The following FAM118A variants were observed in gnomAD, a reference collection of about 807,000 sequenced individuals.
FAM118A encodes the protein protein FAM118A.
A neutral mutation model predicts 38.2 loss-of-function variants in FAM118A; 25 were observed. The observed-to-expected ratio is 0.65, with a 90% CI of 0.48 to 0.91. The LOEUF (loss-of-function observed/expected upper bound fraction) is 0.91. Ranked by LOEUF, FAM118A falls within the 40% of genes least tolerant of loss-of-function variation. FAM118A has a pLI of 0.00. For missense variants in FAM118A, 425 were observed against 463.3 expected (o/e 0.92, Z 0.76); for synonymous variants, 178 against 184.1 (o/e 0.97, Z 0.27).
intron 7 of FAM118A, 48 bp from the exon 8 acceptor site, chr22:45,336,280 G>T: frequency 6.7e-7 from 1 of 1,490,440 alleles, no homozygotes; most frequent in Non-Finnish European, 9.3e-7. Context: ...GTGCCTTGGC[G>T]AGTGGATTCT....
chr22:45,330,760 C>A (rs140980281), intron 5 of FAM118A, 29 bp downstream of exon 5: 4 of 1,500,888 alleles, frequency 2.7e-6, no homozygotes, highest in Non-Finnish European at 2.7e-6. Flanking sequence ...AGCATCGGTG[C>A]GTCCTCTCAG....
intron 8 of FAM118A, among the ~76,000 whole-genome samples, chr22:45,337,335 T>C (rs1269510073): frequency 6.6e-6 from 1 of 152,220 alleles, no homozygotes; most frequent in African/African-American, 2.4e-5. Context: ...TTAGCCAGCA[T>C]GTGTGTTGTG....
At chr22:45,333,624 A>G (rs944425574) in intron 6 of FAM118A, among the ~76,000 whole-genome samples, 4 of 150,780 alleles carry the variant, frequency 2.7e-5, no homozygotes, top group Admixed American at 2.0e-4. Context: ...CAGTGAGCCA[A>G]GATCGCACCA....
intron 1 of FAM118A, among the ~76,000 whole-genome samples, chr22:45,312,709 C>T (rs1278115443): frequency 6.6e-6 from 1 of 152,142 alleles, no homozygotes; most frequent in African/African-American, 2.4e-5. Flanking sequence ...CTCAGGGAAA[C>T]ACTCAGGTTT....
At chr22:45,317,845 C>T (rs1299454657) in intron 1 of FAM118A, among the ~76,000 whole-genome samples, 5 of 152,186 alleles carry the variant, frequency 3.3e-5, no homozygotes, top group Non-Finnish European at 5.9e-5. Flanking sequence ...GGGACAGGCT[C>T]TGTCGTAAAG....
chr22:45,312,691 T>C (rs1333129552), intron 1 of FAM118A, among the ~76,000 whole-genome samples: 1 of 152,100 alleles, frequency 6.6e-6, no homozygotes, highest in Non-Finnish European at 1.5e-5. Context: ...ATGGAACAGC[T>C]CACAGAACTC....
At chr22:45,330,498 T>C (rs1292530952) in intron 4 of FAM118A, 105 bp from the exon 5 acceptor site, 2 of 1,284,798 alleles carry the variant, frequency 1.6e-6, no homozygotes, top group Non-Finnish European at 2.1e-6. Context: ...CGATGATTCT[T>C]TCCAAGATAG....
intron 1 of FAM118A, among the ~76,000 whole-genome samples, chr22:45,318,089 C>T (rs1033874175): frequency 6.6e-6 from 1 of 152,144 alleles, no homozygotes. Context: ...CATTGAACTC[C>T]GTTTGATGAA....
intron 4 of FAM118A, chr22:45,329,351 G>A (rs551070707): frequency 5.6e-4 from 86 of 152,298 alleles, no homozygotes; most frequent in African/African-American, 2.1e-3. Flanking sequence ...GCTGAGTGTG[G>A]GAGTATCCAT....
chr22:45,327,923 C>T lies in FAM118A; in HGVS notation c.382C>T (p.Pro128Ser), dbSNP rs2085405254. The T allele has an allele frequency of 2.5e-6, 4 of 1,614,130 alleles. No homozygotes were observed. Among genetic ancestry groups the T allele is most frequent in the Non-Finnish European group, 1.7e-6 (2 of 1,180,062 alleles). ...CGACCTGGAGCAGCACATCCGGAGT[C>T]CTGTGGTGCTGCAGTCGATCCTCAG... Reference protein sequence around the residue: ...FDDLEQHIRSPVVLQSILSLM... With the variant: ...FDDLEQHIRSSVVLQSILSLM... The change falls in exon 4 of 9, where the codon CCT becomes TCT. Residue 128 changes from proline to serine, a missense_variant. Coordinates refer to ENST00000441876, the MANE Select transcript of FAM118A (RefSeq NM_017911.4).
chr22:45,322,340 G>A, intron 1 of FAM118A, 31 bp from the exon 2 acceptor site: 2 of 1,600,348 alleles, frequency 1.2e-6, no homozygotes, highest in Non-Finnish European at 1.7e-6. Context: ...CTGGGAGACA[G>A]AAGTCACTTC....
intron 3 of FAM118A, among the ~76,000 whole-genome samples, chr22:45,326,508 C>T (rs1252066139): frequency 2.6e-5 from 4 of 151,852 alleles, no homozygotes; most frequent in Non-Finnish European, 5.9e-5. Flanking sequence ...GGCAACATAG[C>T]GAGACCTCGT....
chr22:45,331,048 G>T (rs1411575594), intron 5 of FAM118A, among the ~76,000 whole-genome samples: 4 of 152,196 alleles, frequency 2.6e-5, no homozygotes, highest in East Asian at 1.9e-4. Context: ...ACCTGCCCAG[G>T]TATATAGTGA....
intron 2 of FAM118A, among the ~76,000 whole-genome samples, chr22:45,322,818 C>T (rs1266526417): frequency 2.6e-5 from 4 of 152,150 alleles, no homozygotes; most frequent in South Asian, 2.1e-4. Flanking sequence ...CTGTCTTATC[C>T]GTCACTGCAA....
At chr22:45,319,768 A>G (rs1330484001) in intron 1 of FAM118A, among the ~76,000 whole-genome samples, 1 of 152,182 alleles carries the variant, frequency 6.6e-6, no homozygotes, top group Non-Finnish European at 1.5e-5. Flanking sequence ...TTAAAAAAAC[A>G]AAAGATTAGT....
intron 3 of FAM118A, among the ~76,000 whole-genome samples, chr22:45,323,657 C>T (rs1342616009): frequency 3.3e-5 from 5 of 152,316 alleles, no homozygotes; most frequent in African/African-American, 1.2e-4. Flanking sequence ...TTAAATGGAG[C>T]CTGACTGTGT....
chr22:45,335,916 T>C (rs1286327384), intron 7 of FAM118A, among the ~76,000 whole-genome samples: 1 of 152,228 alleles, frequency 6.6e-6, no homozygotes, highest in Admixed American at 6.5e-5. Flanking sequence ...CCTTGCCGAA[T>C]CATTTGGGTA....
At chr22:45,328,471 A>T in intron 4 of FAM118A, 1 of 867,376 alleles carries the variant, frequency 1.2e-6, no homozygotes. Flanking sequence ...GTAGCAGTGA[A>T]TTACTAATAA....
rs367677553 is a variant in FAM118A, at chr22:45,328,016, C to T, written c.475C>T (p.Arg159Trp). ...YDNLLEAFGR[R>W]QNKPMESLDL... Reference sequence around the variant, plus strand: ...CAACCTGCTGGAGGCCTTTGGCCGGCGGCAGAACAAGCCCATGGAGTCCCT... The same window carrying T: ...CAACCTGCTGGAGGCCTTTGGCCGGTGGCAGAACAAGCCCATGGAGTCCCT... The change falls in exon 4 of 9, where the codon CGG becomes TGG. Residue 159 changes from arginine to tryptophan, a missense_variant. Arg to Trp is a moderately radical substitution (Grantham distance 101). Coordinates refer to ENST00000441876, the MANE Select transcript of FAM118A (RefSeq NM_017911.4). 2.6e-5 allele frequency: 42 copies of T among 1,608,164 alleles called. 1 individual carries two copies. In the East Asian group the frequency reaches 6.7e-4, roughly 26 times the overall value.
Sources: gnomAD v4.1 joint callset for allele counts (sites outside exome capture counted in the v4.1 genomes callset) on GRCh38, gnomAD v4.1.1 for gene constraint, MANE v1.5 for transcripts, NCBI Gene and HGNC (gene_info 2026-07-23, HGNC 2026-07-21) for gene names.